OXR1: variants seen among roughly 807,000 people sequenced by gnomAD.
The protein encoded by OXR1 is oxidation resistance 1, also known as oxidation resistance protein 1.
Under a neutral mutation model 104.6 loss-of-function variants are expected in OXR1, and 41 were observed. The observed-to-expected ratio is 0.39, with a 90% confidence interval of 0.31 to 0.51. The LOEUF (loss-of-function observed/expected upper bound fraction) is 0.51, where lower values mean the gene tolerates loss of function less well. Ranked by LOEUF, OXR1 falls within the 20% of genes least tolerant of loss-of-function variation. OXR1 has a pLI of 0.77. For synonymous variants in OXR1, 348 were observed against 348.4 expected (o/e 1.00, Z 0.01); for missense variants, 955 against 1,031.9 (o/e 0.93, Z 1.02).
intron 3 of OXR1, among the ~76,000 whole-genome samples, chr8:106,528,055 G>C (rs1245431263): frequency 6.6e-6 from 1 of 152,132 alleles, no homozygotes; most frequent in African/African-American, 2.4e-5. Flanking sequence ...CTTAGTTGAA[G>C]TGACTGTCCT....
intron 2 of OXR1, among the ~76,000 whole-genome samples, chr8:106,409,372 G>T (rs769191513): frequency 6.6e-6 from 1 of 152,084 alleles, no homozygotes; most frequent in Non-Finnish European, 1.5e-5. Context: ...GGCTGAGACA[G>T]CAGTATCACC....
chr8:106,399,574 C>G (rs1404062136), intron 2 of OXR1, among the ~76,000 whole-genome samples: 2 of 152,198 alleles, frequency 1.3e-5, no homozygotes, highest in Non-Finnish European at 2.9e-5. Context: ...AGAACCCTCT[C>G]TGAAGTATTA....
At chr8:106,559,722 CA>C (rs1213516514) in intron 3 of OXR1, among the ~76,000 whole-genome samples, 1 of 152,006 alleles carries the variant, frequency 6.6e-6, no homozygotes, top group Non-Finnish European at 1.5e-5. Context: ...CCTCACATGG[CA>C]AAAAGGCTAG....
chr8:106,506,023 T>C (rs917220331), intron 2 of OXR1, among the ~76,000 whole-genome samples: 1 of 152,072 alleles, frequency 6.6e-6, no homozygotes, highest in Non-Finnish European at 1.5e-5. Context: ...TGAAGAAACT[T>C]AAGATATAAT....
chr8:106,498,306 AGTATTCC>A (rs1207138074), intron 2 of OXR1, among the ~76,000 whole-genome samples: 7 of 152,216 alleles, frequency 4.6e-5, no homozygotes, highest in Non-Finnish European at 1.0e-4. Flanking sequence ...CTATACATGG[AGTATTCC>A]TTTAAACATA....
chr8:106,415,579 G>GAGAGAC (rs1554571063), intron 2 of OXR1, among the ~76,000 whole-genome samples: 224 of 150,522 alleles, frequency 1.5e-3, no homozygotes, highest in Non-Finnish European at 2.6e-3. Context: ...CTGAGAGAGA[G>GAGAGAC]AGAGAGACAG....
chr8:106,689,702 T>C (rs1829087077), intron 6 of OXR1, among the ~76,000 whole-genome samples: 2 of 152,004 alleles, frequency 1.3e-5, no homozygotes, highest in Admixed American at 1.3e-4. Flanking sequence ...AGTTAATTTC[T>C]CATAGGGTTT....
intron 2 of OXR1, among the ~76,000 whole-genome samples, chr8:106,481,349 T>C (rs1391940939): frequency 1.3e-5 from 2 of 152,012 alleles, no homozygotes; most frequent in African/African-American, 4.8e-5. Flanking sequence ...ACTAAAGAGT[T>C]TCAACAATAA....
chr8:106,591,668 T>G (rs892726145), intron 3 of OXR1, among the ~76,000 whole-genome samples: 1 of 152,042 alleles, frequency 6.6e-6, no homozygotes, highest in South Asian at 2.1e-4. Context: ...ATCATAAATA[T>G]TGCTACCACC....
intron 3 of OXR1, among the ~76,000 whole-genome samples, chr8:106,537,852 A>G (rs1814662456): frequency 6.6e-6 from 1 of 152,158 alleles, no homozygotes. Context: ...ATCTTGAAGT[A>G]GAAACCTGAA....
At chr8:106,320,987 C>T (rs532336817) in intron 1 of OXR1, among the ~76,000 whole-genome samples, 1 of 152,260 alleles carries the variant, frequency 6.6e-6, no homozygotes, top group African/African-American at 2.4e-5. Context: ...CTCTCTCATT[C>T]TTGGTAGCAG....
intron 2 of OXR1, among the ~76,000 whole-genome samples, chr8:106,410,200 T>G (rs754241152): frequency 3.5e-4 from 54 of 152,172 alleles, no homozygotes; most frequent in Non-Finnish European, 6.9e-4. Context: ...AAATTTTCTG[T>G]AGATTGAATT....
chr8:106,359,508 G>T lies in OXR1; in HGVS notation c.-106G>T. ...CAAACTGTGAGTAACTAAGTGGTTTGTGCATCATTCCAGAAGCAAAGCTAA... is the reference window on the plus strand; with the variant it reads ...CAAACTGTGAGTAACTAAGTGGTTTTTGCATCATTCCAGAAGCAAAGCTAA... On this transcript the variant is annotated 5_prime_UTR_variant, in exon 2 of 17. Coordinates refer to ENST00000517566, the MANE Select transcript of OXR1 (RefSeq NM_001198533.2). 1.3e-6 allele frequency: 1 copy of T among 777,956 alleles called. No individual in the cohort carries two copies. The highest frequency in any genetic ancestry group is 1.5e-5 in the South Asian group (1 of 67,902). 48.2% of individuals were successfully genotyped at this position (777,956 alleles called of 1,614,324 possible).
At chr8:106,430,749 T>G (rs1819330478) in intron 2 of OXR1, among the ~76,000 whole-genome samples, 1 of 152,190 alleles carries the variant, frequency 6.6e-6, no homozygotes, top group African/African-American at 2.4e-5. Flanking sequence ...CTTCCTCATC[T>G]CAGGGGAAAA....
chr8:106,581,069 A>G, intron 3 of OXR1: 1 of 1,185,140 alleles, frequency 8.4e-7, no homozygotes, highest in East Asian at 6.0e-5. Flanking sequence ...TCACTTCAAT[A>G]GTCTGCTAAA....
intron 1 of OXR1, among the ~76,000 whole-genome samples, chr8:106,293,767 A>T (rs1452857318): frequency 6.6e-6 from 1 of 152,136 alleles, no homozygotes; most frequent in Admixed American, 6.5e-5. Flanking sequence ...AGGGCAAAAG[A>T]CAGAACCCAT....
At chr8:106,729,718 T>C (rs1833699494) in intron 11 of OXR1, 2 of 152,172 alleles carry the variant, frequency 1.3e-5, no homozygotes, top group Admixed American at 6.5e-5. Context: ...CTTAATTTAT[T>C]TGACTCAATT....
In OXR1 at chr8:106,750,949, G is replaced by A; in HGVS notation, c.*8G>A. ...ATCTGGGCTTTTGAATAAATAAAAT[G>A]CTCTCTGTCTTAGCAGGAGAATGGC... On this transcript the variant is annotated 3_prime_UTR_variant, in exon 17 of 17. Transcript: ENST00000517566. The A allele has an allele frequency of 6.3e-7, 1 of 1,596,486 alleles. No homozygotes were observed. The highest frequency in any genetic ancestry group is 8.5e-7 in the Non-Finnish European group (1 of 1,173,774).
intron 2 of OXR1, among the ~76,000 whole-genome samples, chr8:106,405,901 G>T (rs1818218997): frequency 6.6e-6 from 1 of 152,138 alleles, no homozygotes; most frequent in South Asian, 2.1e-4. Context: ...GTTTTGTTAT[G>T]CAGTGATAGA....
Sources: allele counts gnomAD v4.1 joint callset (sites outside exome capture counted in the v4.1 genomes callset), GRCh38; gene constraint gnomAD v4.1.1; transcripts MANE v1.5; gene names NCBI Gene and HGNC (gene_info 2026-07-23, HGNC 2026-07-21).